ATE1: variants seen among roughly 807,000 people sequenced by gnomAD.
ATE1 encodes the protein arginyl-tRNA--protein transferase 1.
Under a neutral mutation model 70.5 loss-of-function variants are expected in ATE1, and 36 were observed. The observed-to-expected ratio is 0.51, with a 90% CI of 0.39 to 0.67. The LOEUF (loss-of-function observed/expected upper bound fraction) is 0.67. ATE1 is among the 30% of genes least tolerant of loss of function. ATE1 has a pLI of 0.00. For missense variants in ATE1, 593 were observed against 629.5 expected, an observed-to-expected ratio of 0.94 and a Z score of 0.62; for synonymous variants, 232 against 219.3, an observed-to-expected ratio of 1.06 and a Z score of -0.51.
intron 10 of ATE1, among the ~76,000 whole-genome samples, chr10:121,795,904 T>C (rs1590323645): frequency 6.6e-6 from 1 of 152,324 alleles, no homozygotes; most frequent in East Asian, 1.9e-4. Flanking sequence ...GATTTGGACA[T>C]AGTTTCCCAT....
At position 121,748,944 on chromosome 10, in the gene ATE1, T is replaced by C. The variant is rs1268800621; in HGVS notation, c.1379-5086A>G. ...TTGTTTAATACTGCAAGTAATGTGGTGCTAATTCTATCACCAACACACAGA... is the reference window on the plus strand; with the variant it reads ...TTGTTTAATACTGCAAGTAATGTGGCGCTAATTCTATCACCAACACACAGA... On this transcript the variant is annotated intron_variant, in intron 11 of 11. Coordinates refer to ENST00000224652, the MANE Select transcript of ATE1 (RefSeq NM_001001976.3). 6.6e-5 allele frequency among the ~76,000 whole-genome samples: 10 copies of C among 152,304 alleles called. No individual in the cohort carries two copies. The East Asian group carries it at 1.9e-3, about 29-fold the overall frequency.
At chr10:121,814,785 T>C (rs1029310488) in intron 10 of ATE1, among the ~76,000 whole-genome samples, 9 of 152,166 alleles carry the variant, frequency 5.9e-5, no homozygotes, top group Non-Finnish European at 1.3e-4. Flanking sequence ...TAGGCAACAA[T>C]TTCTAAACAC....
intron 3 of ATE1, among the ~76,000 whole-genome samples, chr10:121,919,815 T>C (rs1002709237): frequency 6.6e-6 from 1 of 151,314 alleles, no homozygotes; most frequent in African/African-American, 2.4e-5. Flanking sequence ...AGAGCACTGC[T>C]AGAACCCAGG....
At chr10:121,846,187 CAGA>C (rs1948813991) in intron 8 of ATE1, among the ~76,000 whole-genome samples, 1 of 150,242 alleles carries the variant, frequency 6.7e-6, no homozygotes, top group Admixed American at 6.6e-5. Flanking sequence ...CAATGGAGCA[CAGA>C]AGTCTATTGA....
At chr10:121,814,972 T>C (rs937990275) in intron 10 of ATE1, among the ~76,000 whole-genome samples, 11 of 152,194 alleles carry the variant, frequency 7.2e-5, no homozygotes, top group Non-Finnish European at 1.2e-4. Context: ...AGATAAAGTG[T>C]ATTTAGCTGC....
chr10:121,829,752 G>T (rs7078196), intron 10 of ATE1, among the ~76,000 whole-genome samples: 131,482 of 152,202 alleles, frequency 0.86, 57,317 homozygotes, highest in Middle Eastern at 0.95. Context: ...CGCTCCTATT[G>T]AAGAAATAAA....
intron 10 of ATE1, among the ~76,000 whole-genome samples, chr10:121,823,926 T>TAAAATTA (rs1455361853): frequency 6.6e-6 from 1 of 152,178 alleles, no homozygotes; most frequent in Non-Finnish European, 1.5e-5. Flanking sequence ...TTCTCGTGGG[T>TAAAATTA]AAAATTAAAA....
chr10:121,798,904 A>G (rs1054578664), intron 10 of ATE1, among the ~76,000 whole-genome samples: 1 of 150,812 alleles, frequency 6.6e-6, no homozygotes, highest in Non-Finnish European at 1.5e-5. Context: ...GTCTCAAGAA[A>G]AAAAAAAAAA....
At chr10:121,910,189 A>G (rs138792552) in intron 5 of ATE1, among the ~76,000 whole-genome samples, 28 of 152,354 alleles carry the variant, frequency 1.8e-4, no homozygotes, top group African/African-American at 6.5e-4. Context: ...AACATGTGTA[A>G]CATAGTTTAG....
At chr10:121,834,744 T>A (rs2133733086) in intron 10 of ATE1, among the ~76,000 whole-genome samples, 1 of 152,206 alleles carries the variant, frequency 6.6e-6, no homozygotes, top group East Asian at 1.9e-4. Context: ...AGACCCAGGT[T>A]AAAATATAGG....
At chr10:121,851,090 C>CAAAAAAAAAAA (rs10603053) in intron 8 of ATE1, among the ~76,000 whole-genome samples, 17 of 43,220 alleles carry the variant, frequency 3.9e-4, no homozygotes, top group African/African-American at 1.1e-3. Flanking sequence ...GACTCCATCT[C>CAAAAAAAAAAA]AAAAAAAAAA....
chr10:121,889,151 C>A (rs1456303310), intron 7 of ATE1, among the ~76,000 whole-genome samples: 3 of 152,124 alleles, frequency 2.0e-5, no homozygotes, highest in Admixed American at 2.0e-4. Flanking sequence ...GTAGCAATTT[C>A]TTAATCTAAC....
intron 3 of ATE1, among the ~76,000 whole-genome samples, chr10:121,920,924 G>A (rs1441398123): frequency 2.0e-5 from 3 of 151,832 alleles, no homozygotes; most frequent in East Asian, 1.9e-4. Flanking sequence ...AACCCAGGAG[G>A]CAGAGGTTGC....
chr10:121,745,484 A>AGGCG (rs1944316989), intron 11 of ATE1, among the ~76,000 whole-genome samples: 1 of 152,114 alleles, frequency 6.6e-6, no homozygotes, highest in Non-Finnish European at 1.5e-5. Context: ...TGGGAGGCCA[A>AGGCG]GGTGGGCAAA....
intron 10 of ATE1, among the ~76,000 whole-genome samples, chr10:121,792,364 G>A (rs1564841981): frequency 6.6e-6 from 1 of 152,156 alleles, no homozygotes; most frequent in East Asian, 1.9e-4. Context: ...AGGCTTGTTG[G>A]ATAAGAGGGA....
chr10:121,869,471 A>T (rs1949776120), intron 8 of ATE1, among the ~76,000 whole-genome samples: 2 of 152,240 alleles, frequency 1.3e-5, no homozygotes, highest in Non-Finnish European at 2.9e-5. Context: ...TCTACATTGA[A>T]AACCATGATG....
chr10:121,928,444 G>A (rs1225352440), upstream of ATE1: 1 of 1,516,844 alleles, frequency 6.6e-7, no homozygotes, highest in South Asian at 1.2e-5. Flanking sequence ...CCGCCGCGAG[G>A]GTCCGCTCGG....
intron 7 of ATE1, among the ~76,000 whole-genome samples, chr10:121,876,979 A>C (rs1950075515): frequency 6.6e-6 from 1 of 152,080 alleles, no homozygotes; most frequent in Non-Finnish European, 1.5e-5. Flanking sequence ...AAAAAAAAAA[A>C]AAAATTGTGT....
At chr10:121,813,805 C>CT (rs963906278) in intron 10 of ATE1, among the ~76,000 whole-genome samples, 31 of 152,334 alleles carry the variant, frequency 2.0e-4, no homozygotes, top group African/African-American at 7.2e-4. Context: ...TTTTGCTCCC[C>CT]TTCCCAGCTC....
Sources: allele counts gnomAD v4.1 joint callset (sites outside exome capture counted in the v4.1 genomes callset), GRCh38; gene constraint gnomAD v4.1.1; transcripts MANE v1.5; gene names NCBI Gene and HGNC (gene_info 2026-07-23, HGNC 2026-07-21).